Variants in TIMMDC1 observed in about 807,000 individuals in gnomAD.
TIMMDC1 encodes complex I assembly factor TIMMDC1, mitochondrial.
In TIMMDC1, 25 loss-of-function variants were observed where a neutral mutation model predicts 32.6. The observed-to-expected ratio is 0.77, with a 90% CI of 0.56 to 1.07. The LOEUF (loss-of-function observed/expected upper bound fraction) is 1.07. Ranked by LOEUF, TIMMDC1 falls within the 50% of genes least tolerant of loss-of-function variation. The probability of loss-of-function intolerance (pLI) is 0.00; values close to 1 mark genes in which losing one functional copy is unlikely to be tolerated. For missense variants in TIMMDC1, 329 were observed against 349.2 expected, an observed-to-expected ratio of 0.94 and a Z score of 0.46; for synonymous variants, 130 against 127.6, an observed-to-expected ratio of 1.02 and a Z score of -0.13.
At chr3:119,517,381 T>A in intron 6 of TIMMDC1, 66 bp downstream of exon 6, 1 of 1,049,062 alleles carries the variant, frequency 9.5e-7, no homozygotes, top group East Asian at 2.4e-5. Flanking sequence ...AGTGGTGCTC[T>A]TTTAAACTTA....
intron 5 of TIMMDC1, 36 bp from the exon 6 acceptor site, chr3:119,517,169 C>T (rs1027147136): frequency 1.4e-6 from 2 of 1,400,550 alleles, no homozygotes; most frequent in Non-Finnish European, 2.0e-6. Flanking sequence ...TCTAATGACT[C>T]GTTTTTCCTA....
At chr3:119,509,883 A>G (rs1473604011) in intron 4 of TIMMDC1, among the ~76,000 whole-genome samples, 1 of 151,936 alleles carries the variant, frequency 6.6e-6, no homozygotes, top group South Asian at 2.1e-4. Flanking sequence ...ACAGGGTTTC[A>G]CCATGTTAGC....
intron 6 of TIMMDC1, among the ~76,000 whole-genome samples, chr3:119,521,321 G>A (rs971180332): frequency 7.8e-4 from 118 of 152,254 alleles, no homozygotes; most frequent in Admixed American, 2.8e-3. Context: ...TTGGGAGGCC[G>A]AGGCAGGCGG....
intron 6 of TIMMDC1, among the ~76,000 whole-genome samples, chr3:119,521,695 T>TAAA (rs35164005): frequency 1.4e-5 from 2 of 142,084 alleles, no homozygotes; most frequent in South Asian, 4.5e-4. Flanking sequence ...CCTGTCTCTT[T>TAAA]AAAAAAAAAA....
At chr3:119,509,390 G>T (rs552545492) in intron 4 of TIMMDC1, among the ~76,000 whole-genome samples, 4 of 152,230 alleles carry the variant, frequency 2.6e-5, no homozygotes, top group South Asian at 4.1e-4. Flanking sequence ...AATAAAATAT[G>T]ATATGTCCAT....
intron 5 of TIMMDC1, among the ~76,000 whole-genome samples, chr3:119,515,968 A>T (rs986929776): frequency 6.6e-6 from 1 of 152,214 alleles, no homozygotes; most frequent in African/African-American, 2.4e-5. Flanking sequence ...TGATTTTTTT[A>T]AAAATTTGAA....
intron 6 of TIMMDC1, among the ~76,000 whole-genome samples, chr3:119,521,232 C>T (rs1359690026): frequency 6.6e-6 from 1 of 152,086 alleles, no homozygotes; most frequent in Non-Finnish European, 1.5e-5. Flanking sequence ...GAAATCCTAG[C>T]CAGAGCAGTT....
intron 2 of TIMMDC1, among the ~76,000 whole-genome samples, chr3:119,502,030 T>G (rs935301593): frequency 1.3e-5 from 2 of 152,206 alleles, no homozygotes; most frequent in African/African-American, 2.4e-5. Context: ...AACTATACAC[T>G]GTAAAATTAC....
chr3:119,498,742 G>A lies in TIMMDC1; in HGVS notation c.9G>A (p.Val3=), dbSNP rs760461805. The change falls in exon 1 of 7, where the codon GTG becomes GTA. Residue 3 remains valine, a synonymous_variant. Coordinates refer to ENST00000494664, the MANE Select transcript of TIMMDC1 (RefSeq NM_016589.4). The stretch of plus-strand genomic sequence containing the variant: ...TAGGTCGAGAGAAGGCCATGGAGGT[G>A]CCGCCACCGGCACCGCGGAGCTTTC... ME[V]PPPAPRSFLC... The A allele has an allele frequency of 1.2e-6, 2 of 1,614,062 alleles. No individual in the cohort carries two copies. The highest frequency in any genetic ancestry group is 1.7e-6 in the Non-Finnish European group (2 of 1,180,028).
At chr3:119,519,212 A>G (rs1412404876) in intron 6 of TIMMDC1, among the ~76,000 whole-genome samples, 2 of 152,196 alleles carry the variant, frequency 1.3e-5, no homozygotes, top group Non-Finnish European at 2.9e-5. Flanking sequence ...CAAAACAACC[A>G]GGAAACAGTT....
In TIMMDC1 at chr3:119,523,751, G is replaced by A. The variant is rs2082046859; in HGVS notation, c.853G>A (p.Asp285Asn). The change falls in exon 7 of 7, where the codon GAC (aspartate) becomes AAC (asparagine). Residue 285 changes from aspartate to asparagine, a missense_variant. Asp to Asn is a conservative substitution (Grantham distance 23). Coordinates refer to ENST00000494664, the MANE Select transcript of TIMMDC1 (RefSeq NM_016589.4). ...NPSVIDKQDKD is the reference protein window; with the variant it reads ...NPSVIDKQDKN ...TTCAGTAATAGATAAACAAGACAAG[G>A]ACTGAAAGTGCTCTGAACTTGAAAC... 6.3e-7 allele frequency: 1 copy of A among 1,599,362 alleles called. No individual in the cohort carries two copies. Among genetic ancestry groups the A allele is most frequent in the Non-Finnish European group, 8.5e-7 (1 of 1,174,102 alleles).
chr3:119,504,754 C>T (rs2081907105), intron 4 of TIMMDC1, among the ~76,000 whole-genome samples: 1 of 152,100 alleles, frequency 6.6e-6, no homozygotes, highest in Non-Finnish European at 1.5e-5. Flanking sequence ...ACTATGGTTA[C>T]TAACAGTGTA....
intron 4 of TIMMDC1, 148 bp downstream of exon 4, chr3:119,504,169 T>C: frequency 1.6e-6 from 1 of 639,896 alleles, no homozygotes; most frequent in Non-Finnish European, 2.7e-6. Flanking sequence ...ATGGACAGTG[T>C]TGTGCTTCAC....
chr3:119,515,223 A>G (rs1438067256), intron 5 of TIMMDC1, among the ~76,000 whole-genome samples: 1 of 151,640 alleles, frequency 6.6e-6, no homozygotes, highest in Non-Finnish European at 1.5e-5. Context: ...AAAAAAAAAA[A>G]AAGAGGAAAA....
chr3:119,518,553 C>CA (rs112915406), intron 6 of TIMMDC1, among the ~76,000 whole-genome samples: 21,888 of 111,744 alleles, frequency 0.2, 4,228 homozygotes, highest in African/African-American at 0.51. Context: ...TACTTCATCT[C>CA]AAAAAAAAAA....
intron 4 of TIMMDC1, among the ~76,000 whole-genome samples, chr3:119,506,529 A>C (rs1042347525): frequency 1.3e-5 from 2 of 152,148 alleles, no homozygotes; most frequent in East Asian, 3.9e-4. Context: ...AAAAAAAAAA[A>C]AAAAACTAGA....
chr3:119,500,876 C>G lies in TIMMDC1; in HGVS notation c.360+16C>G, dbSNP rs775850616. 4.4e-6 allele frequency: 7 copies of G among 1,601,092 alleles called. No homozygotes were observed. Among genetic ancestry groups the G allele is most frequent in the Non-Finnish European group, 5.1e-6 (6 of 1,174,040 alleles). On this transcript the variant is annotated intron_variant, in intron 2 of 6. Transcript: ENST00000494664. ...TGATGCTGTGGTATGTACTGGTGAT[C>G]TAAAGAAATTTGGGGCACACTGACT...
intron 6 of TIMMDC1, among the ~76,000 whole-genome samples, chr3:119,522,820 GT>G (rs2082037151): frequency 2.0e-5 from 3 of 151,736 alleles, no homozygotes; most frequent in Non-Finnish European, 4.4e-5. Context: ...GTGTGTGTGT[GT>G]GTGTGTGTGT....
Sources: allele counts gnomAD v4.1 joint callset (sites outside exome capture counted in the v4.1 genomes callset), GRCh38; gene constraint gnomAD v4.1.1; transcripts MANE v1.5; gene names NCBI Gene and HGNC (gene_info 2026-07-23, HGNC 2026-07-21).